The following PLXDC2 variants were observed in gnomAD, a reference collection of about 807,000 sequenced individuals.
The protein encoded by PLXDC2 is plexin domain-containing protein 2.
In PLXDC2, 40 loss-of-function variants were observed where a neutral mutation model predicts 68.9. That is an observed-to-expected ratio of 0.58 (90% CI 0.45 to 0.76). The LOEUF (loss-of-function observed/expected upper bound fraction) is 0.76, where lower values mean the gene tolerates loss of function less well. Ranked by LOEUF, PLXDC2 falls within the 30% of genes least tolerant of loss-of-function variation. The pLI is 0.00. For missense variants in PLXDC2, 644 were observed against 661.9 expected, an observed-to-expected ratio of 0.97 and a Z score of 0.30; for synonymous variants, 243 against 234.2, an observed-to-expected ratio of 1.04 and a Z score of -0.34.
At chr10:19,935,214 G>T (rs1833702914) in intron 1 of PLXDC2, among the ~76,000 whole-genome samples, 1 of 152,148 alleles carries the variant, frequency 6.6e-6, no homozygotes, top group Admixed American at 6.5e-5. Context: ...TCTTTGATAA[G>T]ACCAGTAGTC....
At chr10:20,203,946 A>G (rs1378518892) in intron 9 of PLXDC2, among the ~76,000 whole-genome samples, 2 of 152,160 alleles carry the variant, frequency 1.3e-5, no homozygotes, top group Non-Finnish European at 2.9e-5. Flanking sequence ...AGAAGAAAAC[A>G]CACTCCACCT....
At chr10:20,269,736 G>C (rs953400007) in intron 13 of PLXDC2, among the ~76,000 whole-genome samples, 2 of 152,076 alleles carry the variant, frequency 1.3e-5, no homozygotes, top group Non-Finnish European at 2.9e-5. Context: ...TAGGTGTTTG[G>C]GCCTGGCATG....
At position 19,991,768 on chromosome 10, in the gene PLXDC2, T is replaced by C. The variant is rs142492325; in HGVS notation, c.113-10007T>C. Among the ~76,000 whole-genome samples the C allele has an allele frequency of 5.0e-4, 76 of 152,282 alleles. 1 individual carries two copies. The highest frequency in any genetic ancestry group is 1.8e-3 in the African/African-American group (75 of 41,554). On this transcript the variant is annotated intron_variant, in intron 1 of 13. Transcript: ENST00000377252. Reference sequence around the variant, plus strand: ...AGATTTAATAGAAGGCCCTCGGTGATTTGGGTCCGAGACATTTGCAGATCA... The same window carrying C: ...AGATTTAATAGAAGGCCCTCGGTGACTTGGGTCCGAGACATTTGCAGATCA...
rs1836200471 is a variant in PLXDC2, at chr10:20,289,347, G to C, written c.*9528G>C. The C allele has an allele frequency of 6.6e-6, 1 of 152,224 alleles. No homozygotes were observed. The highest frequency in any genetic ancestry group is 6.5e-5 in the Admixed American group (1 of 15,282). The allele number at this position is 152,224 out of a possible 1,614,324, so 9.4% of individuals were successfully genotyped here. A position where few individuals can be genotyped will look rare whatever the true frequency, so the allele number is the denominator to read the frequency against. On this transcript the variant is annotated 3_prime_UTR_variant, in exon 14 of 14. Coordinates refer to ENST00000377252, the MANE Select transcript of PLXDC2 (RefSeq NM_032812.9). ...GCGTTCAAGTCTCCTGGATCAGACAGATGGGATTTTAGCTGCTGCTTTAAA... is the reference window on the plus strand; with the variant it reads ...GCGTTCAAGTCTCCTGGATCAGACACATGGGATTTTAGCTGCTGCTTTAAA...
rs149641298 is a variant in PLXDC2 at position 20,030,296 on chromosome 10, A to T, written c.325-16573A>T. Among the ~76,000 whole-genome samples, 64 of 152,286 alleles carry T rather than the reference A, an allele frequency of 4.2e-4. 1 individual carries two copies. Among genetic ancestry groups the T allele is most frequent in the African/African-American group, 1.3e-3 (56 of 41,560 alleles). On this transcript the variant is annotated intron_variant, in intron 2 of 13. Coordinates refer to ENST00000377252, the MANE Select transcript of PLXDC2 (RefSeq NM_032812.9). ...TTCCTGCAGTTCCTTTTATAAGGAG[A>T]TAGGATCTCTTTTCTCACCTCTTCA...
chr10:19,827,532 C>G (rs1312786128), intron 1 of PLXDC2, among the ~76,000 whole-genome samples: 3 of 151,372 alleles, frequency 2.0e-5, no homozygotes, highest in Non-Finnish European at 2.9e-5. Flanking sequence ...ACAAGTACCA[C>G]AGGGCTTCAT....
chr10:20,059,771 A>G (rs1836066376), intron 3 of PLXDC2, among the ~76,000 whole-genome samples: 1 of 147,844 alleles, frequency 6.8e-6, no homozygotes, highest in African/African-American at 2.7e-5. Flanking sequence ...AGAATGGTTA[A>G]AATCCCTTTA....
chr10:20,286,397 G>A lies in PLXDC2; in HGVS notation c.*6578G>A, dbSNP rs1449053476. The A allele has an allele frequency of 1.3e-5, 2 of 152,062 alleles. No homozygotes were observed. The highest frequency in any genetic ancestry group is 2.9e-5 in the Non-Finnish European group (2 of 68,000). The allele number at this position is 152,062 out of a possible 1,614,324, so 9.4% of individuals were successfully genotyped here. A position where few individuals can be genotyped will look rare whatever the true frequency, so the allele number is the denominator to read the frequency against. ...AAAAGCTTTTGATTTGGCAGATAGT[G>A]ATATTTTATTTATTTTCATTCTGGT... is the stretch of plus-strand genomic sequence containing the variant. On this transcript the variant is annotated 3_prime_UTR_variant, in exon 14 of 14. Transcript: ENST00000377252.
intron 12 of PLXDC2, among the ~76,000 whole-genome samples, chr10:20,238,063 A>C (rs1012863327): frequency 6.6e-6 from 1 of 152,034 alleles, no homozygotes; most frequent in Admixed American, 6.6e-5. Context: ...GCCATATGCA[A>C]GTAAATCCTA....
chr10:20,070,515 C>A (rs1403518570), intron 4 of PLXDC2, among the ~76,000 whole-genome samples: 1 of 152,096 alleles, frequency 6.6e-6, no homozygotes, highest in Non-Finnish European at 1.5e-5. Context: ...TGTCTTTTGA[C>A]CTCATCGGAT....
At chr10:19,955,167 C>T (rs1398406731) in intron 1 of PLXDC2, among the ~76,000 whole-genome samples, 5 of 142,522 alleles carry the variant, frequency 3.5e-5, no homozygotes, top group Admixed American at 1.4e-4. Context: ...CTGGGACTAT[C>T]GGCATGCACC....
chr10:20,282,064 T>C lies in PLXDC2; in HGVS notation c.*2245T>C, dbSNP rs1182443531. ...ATTCAAAACAATTTTGAATCAATTT[T>C]CTATTTTGATTCAAAACAATTGATA... On this transcript the variant is annotated 3_prime_UTR_variant, in exon 14 of 14. Coordinates refer to ENST00000377252, the MANE Select transcript of PLXDC2 (RefSeq NM_032812.9). 6.6e-6 allele frequency: 1 copy of C among 152,180 alleles called. No homozygotes were observed. The highest frequency in any genetic ancestry group is 1.5e-5 in the Non-Finnish European group (1 of 68,014). The allele number at this position is 152,180 out of a possible 1,614,324, so 9.4% of individuals were successfully genotyped here.
At chr10:19,973,292 ATATG>A (rs1276172431) in intron 1 of PLXDC2, among the ~76,000 whole-genome samples, 5 of 146,548 alleles carry the variant, frequency 3.4e-5, no homozygotes, top group African/African-American at 1.2e-4. Context: ...ACATACATAT[ATATG>A]TATATATATA....
At chr10:20,266,461 C>T (rs1835873816) in intron 13 of PLXDC2, among the ~76,000 whole-genome samples, 1 of 151,094 alleles carries the variant, frequency 6.6e-6, no homozygotes, top group Non-Finnish European at 1.5e-5. Flanking sequence ...AAATGAAATA[C>T]ATTTTTAAAA....
At chr10:19,908,361 T>C (rs1307572137) in intron 1 of PLXDC2, among the ~76,000 whole-genome samples, 1 of 152,208 alleles carries the variant, frequency 6.6e-6, no homozygotes, top group Admixed American at 6.5e-5. Context: ...GGGATTACAA[T>C]TGTTAGAAGT....
chr10:19,844,864 G>A (rs1278334143), intron 1 of PLXDC2, among the ~76,000 whole-genome samples: 1 of 152,124 alleles, frequency 6.6e-6, no homozygotes, highest in East Asian at 1.9e-4. Flanking sequence ...AAAGTGCTGG[G>A]ATTACAGGCA....
chr10:20,127,415 A>G (rs1254669364), intron 4 of PLXDC2, among the ~76,000 whole-genome samples: 1 of 152,206 alleles, frequency 6.6e-6, no homozygotes, highest in Non-Finnish European at 1.5e-5. Context: ...AAAATTGTAC[A>G]ATAAAATTTG....
chr10:20,146,502 T>TCCTTCCTC (rs1834082194), intron 5 of PLXDC2, among the ~76,000 whole-genome samples: 1 of 140,714 alleles, frequency 7.1e-6, no homozygotes, highest in Non-Finnish European at 1.5e-5. Flanking sequence ...CTTCCTTCCT[T>TCCTTCCTC]CCTTCCTTCC....
chr10:20,149,366 G>A (rs1236574552), intron 6 of PLXDC2, among the ~76,000 whole-genome samples: 2 of 147,384 alleles, frequency 1.4e-5, no homozygotes. Context: ...AGCCTCCCAA[G>A]TAACTGGGAT....
Sources: allele counts gnomAD v4.1 joint callset (sites outside exome capture counted in the v4.1 genomes callset), GRCh38; gene constraint gnomAD v4.1.1; transcripts MANE v1.5; gene names NCBI Gene and HGNC (gene_info 2026-07-23, HGNC 2026-07-21).